The following DACH1 variants were observed in gnomAD, a reference collection of about 807,000 sequenced individuals.
DACH1 encodes dachshund family transcription factor 1.
Under a neutral mutation model 54.2 loss-of-function variants are expected in DACH1, and 12 were observed. The ratio of observed to expected loss-of-function variants is 0.22; its 90% CI spans 0.14 to 0.36. The LOEUF (loss-of-function observed/expected upper bound fraction) is 0.36. Ranked by LOEUF, DACH1 falls within the 10% of genes least tolerant of loss-of-function variation. The pLI is 1.00. For missense variants in DACH1, 805 were observed against 929.8 expected (o/e 0.87, Z 1.75); for synonymous variants, 386 against 366.2 (o/e 1.05, Z -0.62).
At chr13:71,514,168 TTTAA>T (rs1369548811) in intron 6 of DACH1, among the ~76,000 whole-genome samples, 4 of 152,006 alleles carry the variant, frequency 2.6e-5, no homozygotes, top group East Asian at 3.9e-4. Context: ...CAGAATACTG[TTTAA>T]TTATGCTAAT....
intron 1 of DACH1, among the ~76,000 whole-genome samples, chr13:71,684,425 C>T (rs1349568457): frequency 6.6e-6 from 1 of 152,078 alleles, no homozygotes; most frequent in East Asian, 1.9e-4. Flanking sequence ...TTATATTTGG[C>T]CCTACTCAGT....
intron 7 of DACH1, among the ~76,000 whole-genome samples, chr13:71,483,152 T>A (rs1029448336): frequency 1.0e-3 from 153 of 151,808 alleles, no homozygotes; most frequent in African/African-American, 2.8e-3. Context: ...AATACCATAC[T>A]CTTTAATGCT....
At chr13:71,824,193 C>G (rs1888296784) in intron 1 of DACH1, among the ~76,000 whole-genome samples, 1 of 151,728 alleles carries the variant, frequency 6.6e-6, no homozygotes, top group African/African-American at 2.4e-5. Flanking sequence ...ACATTAATCA[C>G]TAAATTTGAT....
In DACH1 at chr13:71,628,676, GTTT is replaced by G. The variant is rs1452041087; in HGVS notation, c.1126+1877_1126+1879del. On this transcript the variant is annotated intron_variant, in intron 3 of 10. Transcript: ENST00000613252. ...ATACAAAAGAAAATTCAAATTGTTTGTTTTTAAGTCATTGCGATAGGCTACGTA... is the reference window on the plus strand; with the variant it reads ...ATACAAAAGAAAATTCAAATTGTTTGTTAAGTCATTGCGATAGGCTACGTA... Among the ~76,000 whole-genome samples, 4 of 152,026 alleles carry G rather than the reference GTTT, an allele frequency of 2.6e-5. No individual in the cohort carries two copies. The East Asian group carries it at 7.7e-4, about 29-fold the overall frequency.
rs138866016 is a variant in DACH1 at position 71,593,019 on chromosome 13, C to G, written c.1127-20007G>C. ...CTGCCTCAGAGTACGGATTTTGACA[C>G]GAGAATAAAAGTAGTGCATAAGAGC... On this transcript the variant is annotated intron_variant, in intron 3 of 10. Coordinates refer to ENST00000613252, the MANE Select transcript of DACH1 (RefSeq NM_080759.6). Among the ~76,000 whole-genome samples, 45 of 151,948 alleles carry G rather than the reference C, an allele frequency of 3.0e-4. No individual in the cohort carries two copies. The East Asian group carries it at 7.9e-3, about 27-fold the overall frequency.
At chr13:71,443,202 C>T (rs1008711392) in intron 10 of DACH1, among the ~76,000 whole-genome samples, 3 of 151,546 alleles carry the variant, frequency 2.0e-5, no homozygotes, top group Non-Finnish European at 2.9e-5. Flanking sequence ...TGGCTAAATG[C>T]TAATAAGTTG....
chr13:71,857,531 C>T (rs927729223), intron 1 of DACH1, among the ~76,000 whole-genome samples: 3 of 151,586 alleles, frequency 2.0e-5, no homozygotes, highest in Non-Finnish European at 3.0e-5. Context: ...ACCAAATGTA[C>T]GACAATTATT....
At chr13:71,803,620 T>G (rs1218836595) in intron 1 of DACH1, among the ~76,000 whole-genome samples, 1 of 152,128 alleles carries the variant, frequency 6.6e-6, no homozygotes, top group Non-Finnish European at 1.5e-5. Flanking sequence ...TCTAACTTTC[T>G]CATTCGAAAG....
intron 1 of DACH1, among the ~76,000 whole-genome samples, chr13:71,805,845 C>G (rs886951136): frequency 7.2e-5 from 11 of 152,034 alleles, no homozygotes; most frequent in Admixed American, 5.2e-4. Flanking sequence ...GCTCTGTTGC[C>G]CAGGCTGGAG....
At chr13:71,811,255 T>C (rs893603714) in intron 1 of DACH1, among the ~76,000 whole-genome samples, 13 of 152,278 alleles carry the variant, frequency 8.5e-5, no homozygotes, top group African/African-American at 3.1e-4. Flanking sequence ...CTAGTGTTAC[T>C]GCTCTCCAGG....
At chr13:71,619,008 T>C (rs1876001152) in intron 3 of DACH1, among the ~76,000 whole-genome samples, 1 of 151,744 alleles carries the variant, frequency 6.6e-6, no homozygotes, top group South Asian at 2.1e-4. Flanking sequence ...TGAATACATA[T>C]TTAAATGTTT....
chr13:71,762,621 C>G (rs1885447764), intron 1 of DACH1, among the ~76,000 whole-genome samples: 1 of 151,372 alleles, frequency 6.6e-6, no homozygotes, highest in African/African-American at 2.4e-5. Flanking sequence ...ACAAAATTTA[C>G]CCGGGCATGG....
chr13:71,550,078 A>G (rs1175076007), intron 6 of DACH1, among the ~76,000 whole-genome samples: 1 of 152,142 alleles, frequency 6.6e-6, no homozygotes, highest in East Asian at 1.9e-4. Flanking sequence ...ATAATTTCAA[A>G]TTTCCTATTG....
intron 3 of DACH1, among the ~76,000 whole-genome samples, chr13:71,616,832 G>A (rs1875806670): frequency 6.6e-6 from 1 of 150,616 alleles, no homozygotes; most frequent in African/African-American, 2.4e-5. Flanking sequence ...GAGAGAGAGA[G>A]AATTATGACA....
At chr13:71,537,481 T>G (rs534535262) in intron 6 of DACH1, among the ~76,000 whole-genome samples, 3 of 152,132 alleles carry the variant, frequency 2.0e-5, no homozygotes, top group Non-Finnish European at 4.4e-5. Context: ...GGGGATTTGT[T>G]GATCATCTTG....
At chr13:71,855,108 T>C (rs897062583) in intron 1 of DACH1, among the ~76,000 whole-genome samples, 7 of 152,082 alleles carry the variant, frequency 4.6e-5, no homozygotes, top group African/African-American at 1.7e-4. Flanking sequence ...TTCCAAGAAT[T>C]GATTTAGTAT....
intron 2 of DACH1, 132 bp downstream of exon 2, chr13:71,681,663 C>G (rs1483697887): frequency 4.0e-6 from 2 of 504,352 alleles, no homozygotes; most frequent in Admixed American, 3.7e-5. Flanking sequence ...TAAATTATCT[C>G]AGTAACATTA....
At chr13:71,714,532 T>C (rs552899056) in intron 1 of DACH1, among the ~76,000 whole-genome samples, 5 of 152,190 alleles carry the variant, frequency 3.3e-5, no homozygotes, top group East Asian at 1.9e-4. Context: ...TAGGTTTACA[T>C]TGGTGTATGC....
intron 2 of DACH1, among the ~76,000 whole-genome samples, chr13:71,664,614 A>G (rs1014261122): frequency 6.6e-6 from 1 of 152,024 alleles, no homozygotes; most frequent in African/African-American, 2.4e-5. Context: ...GTATATTTAT[A>G]AATAACTGGT....
Sources: gnomAD v4.1 joint callset for allele counts (sites outside exome capture counted in the v4.1 genomes callset) on GRCh38, gnomAD v4.1.1 for gene constraint, MANE v1.5 for transcripts, NCBI Gene and HGNC (gene_info 2026-07-23, HGNC 2026-07-21) for gene names.